EPHB2: variants seen among roughly 807,000 people sequenced by gnomAD.
EPHB2 encodes ephrin type-B receptor 2.
EPHB2 carries 18 observed loss-of-function variants against 96.4 expected under a neutral mutation model. That is an observed-to-expected ratio of 0.19 (90% CI 0.13 to 0.28). The LOEUF (loss-of-function observed/expected upper bound fraction) is 0.28. Among genes scored for constraint, EPHB2 ranks in the 10% least tolerant of loss-of-function variants. The probability of loss-of-function intolerance (pLI) is 1.00; values close to 1 mark genes in which losing one functional copy is unlikely to be tolerated. For missense variants in EPHB2, 989 were observed against 1,355.4 expected (o/e 0.73, Z 4.25); for synonymous variants, 506 against 534.1 (o/e 0.95, Z 0.72).
intron 5 of EPHB2, among the ~76,000 whole-genome samples, chr1:22,876,473 T>G (rs1002434): frequency 1.5e-4 from 23 of 152,156 alleles, no homozygotes; most frequent in Non-Finnish European, 2.6e-4. Context: ...TGAACTCCCC[T>G]CTGGGGTTCA....
At chr1:22,839,578 G>C (rs1416326922) in intron 3 of EPHB2, among the ~76,000 whole-genome samples, 1 of 152,174 alleles carries the variant, frequency 6.6e-6, no homozygotes, top group Non-Finnish European at 1.5e-5. Context: ...TCAAGGACAG[G>C]GTTAGGGGGC....
At chr1:22,900,021 C>T (rs570313201) in intron 9 of EPHB2, among the ~76,000 whole-genome samples, 3 of 150,598 alleles carry the variant, frequency 2.0e-5, no homozygotes, top group South Asian at 2.1e-4. Flanking sequence ...AGGCCGGGTG[C>T]GGTAGCTCAC....
At position 22,914,036 on chromosome 1, in the gene EPHB2, C is replaced by A; in HGVS notation, c.*466C>A. 1 of 886,254 alleles carries A rather than the reference C, an allele frequency of 1.1e-6. No homozygotes were observed. The highest frequency in any genetic ancestry group is 1.7e-6 in the Non-Finnish European group (1 of 600,668). 54.9% of individuals were successfully genotyped at this position (886,254 alleles called of 1,614,324 possible). ...CCCTTGGCTCCTGTCCCTGCTGCTC[C>A]TCTAGGCCTCACTCAACAACCAAGC... On this transcript the variant is annotated 3_prime_UTR_variant, in exon 16 of 16. Coordinates refer to ENST00000374630, the MANE Select transcript of EPHB2 (RefSeq NM_017449.5).
At chr1:22,796,457 A>G (rs552087310) in intron 3 of EPHB2, among the ~76,000 whole-genome samples, 1 of 152,134 alleles carries the variant, frequency 6.6e-6, no homozygotes, top group Non-Finnish European at 1.5e-5. Context: ...GGTCACAGTA[A>G]CCTGCTTGCC....
rs147244125 is a variant in EPHB2 at position 22,874,984 on chromosome 1, C to T, written c.1304-7375C>T. ...GGACTTCTCAGAGCCTTGAATTAAACACATGTGCAGTGTGAGTCTCCACAA... is the reference window on the plus strand; with the variant it reads ...GGACTTCTCAGAGCCTTGAATTAAATACATGTGCAGTGTGAGTCTCCACAA... On this transcript the variant is annotated intron_variant, in intron 5 of 15. Transcript: ENST00000374630. 3.2e-3 allele frequency among the ~76,000 whole-genome samples: 493 copies of T among 152,274 alleles called. 2 individuals are homozygous for T. Among genetic ancestry groups the T allele is most frequent in the Middle Eastern group, 6.8e-3 (2 of 294 alleles).
intron 1 of EPHB2, among the ~76,000 whole-genome samples, chr1:22,757,102 CAG>C (rs1162029002): frequency 6.6e-6 from 1 of 151,822 alleles, no homozygotes; most frequent in Non-Finnish European, 1.5e-5. Context: ...TTTTTAAAAA[CAG>C]AGTAATGGTA....
chr1:22,874,031 T>C (rs2148539407), intron 5 of EPHB2, among the ~76,000 whole-genome samples: 1 of 152,338 alleles, frequency 6.6e-6, no homozygotes, highest in Middle Eastern at 3.4e-3. Context: ...GTAACTTGCC[T>C]GCAGTCACAC....
chr1:22,751,832 T>A (rs760610081), intron 1 of EPHB2, among the ~76,000 whole-genome samples: 2 of 152,212 alleles, frequency 1.3e-5, no homozygotes, highest in Non-Finnish European at 2.9e-5. Flanking sequence ...TCCTTTGTCA[T>A]GAAGGCCACC....
chr1:22,751,055 G>A (rs1423277074), intron 1 of EPHB2, among the ~76,000 whole-genome samples: 1 of 152,240 alleles, frequency 6.6e-6, no homozygotes, highest in African/African-American at 2.4e-5. Context: ...AAATAGGTGA[G>A]CCAATTTAAA....
chr1:22,767,594 T>C (rs867155527), intron 1 of EPHB2, among the ~76,000 whole-genome samples: 5 of 152,184 alleles, frequency 3.3e-5, no homozygotes, highest in Admixed American at 2.0e-4. Context: ...TGGCAGGTCG[T>C]AGGTGCTCAG....
chr1:22,753,004 C>T (rs1644088488), intron 1 of EPHB2, among the ~76,000 whole-genome samples: 1 of 151,838 alleles, frequency 6.6e-6, no homozygotes. Flanking sequence ...TGCTCTTGAA[C>T]TCCTGGGCTC....
At chr1:22,750,865 T>G (rs1353653031) in intron 1 of EPHB2, among the ~76,000 whole-genome samples, 2 of 152,194 alleles carry the variant, frequency 1.3e-5, no homozygotes, top group Non-Finnish European at 2.9e-5. Flanking sequence ...TTGAGTAACC[T>G]GCCTGGGTCA....
chr1:22,739,999 T>C (rs963113), intron 1 of EPHB2, among the ~76,000 whole-genome samples: 68,827 of 151,808 alleles, frequency 0.45, 17,549 homozygotes, highest in East Asian at 0.87. Flanking sequence ...ACAAAATAAA[T>C]CCTTAGAGAA....
rs1351253621 is a variant in EPHB2 at position 22,915,243 on chromosome 1, G to A, written c.*1673G>A. On this transcript the variant is annotated 3_prime_UTR_variant, in exon 16 of 16. Transcript: ENST00000374630. The stretch of plus-strand genomic sequence containing the variant: ...CCCTCAGTCTAGGGATCTGGCCACA[G>A]ACTCCCTCCTGTGAACCAACACAGA... The A allele has an allele frequency of 6.6e-6, 1 of 152,228 alleles. No homozygotes were observed. Among genetic ancestry groups the A allele is most frequent in the Non-Finnish European group, 1.5e-5 (1 of 68,082 alleles). The allele number at this position is 152,228 out of a possible 1,614,324, so 9.4% of individuals were successfully genotyped here.
intron 1 of EPHB2, among the ~76,000 whole-genome samples, chr1:22,721,221 A>G (rs1291854548): frequency 6.6e-6 from 1 of 152,218 alleles, no homozygotes; most frequent in Middle Eastern, 3.2e-3. Context: ...GCACATGGAA[A>G]TGTGTACAAA....
In EPHB2 at chr1:22,754,248, G is replaced by C. The variant is rs150592847; in HGVS notation, c.62-27173G>C. On this transcript the variant is annotated intron_variant, in intron 1 of 15. Transcript: ENST00000374630. ...GTGCTCAGAAACCTCCCGTCTTGTG[G>C]TTCCCAGCTGTCAGTCTCAATTTCT... Among the ~76,000 whole-genome samples, 665 of 152,258 alleles carry C rather than the reference G, an allele frequency of 4.4e-3. 7 individuals carry two copies. The highest frequency in any genetic ancestry group is 0.014 in the African/African-American group (591 of 41,524).
intron 3 of EPHB2, among the ~76,000 whole-genome samples, chr1:22,820,815 A>G (rs547250512): frequency 2.7e-4 from 41 of 152,342 alleles, no homozygotes; most frequent in African/African-American, 9.6e-4. Context: ...CATTTCACAG[A>G]TAGAGAAACC....
intron 3 of EPHB2, among the ~76,000 whole-genome samples, chr1:22,815,141 C>T (rs554068992): frequency 6.6e-6 from 1 of 152,300 alleles, no homozygotes; most frequent in Admixed American, 6.5e-5. Flanking sequence ...TCATTGACGG[C>T]AGAGCCATGT....
chr1:22,844,079 G>C (rs61768227), intron 3 of EPHB2, among the ~76,000 whole-genome samples: 1 of 151,986 alleles, frequency 6.6e-6, no homozygotes, highest in Non-Finnish European at 1.5e-5. Context: ...CCATGGCTTT[G>C]CTGTTGTGAA....
Sources: gnomAD v4.1 joint callset for allele counts (sites outside exome capture counted in the v4.1 genomes callset) on GRCh38, gnomAD v4.1.1 for gene constraint, MANE v1.5 for transcripts, NCBI Gene and HGNC (gene_info 2026-07-23, HGNC 2026-07-21) for gene names.